Variants in GDA observed in about 807,000 individuals in gnomAD.
GDA encodes cytoplasmic PSD-95 interactor.
Under a neutral mutation model 59.6 loss-of-function variants are expected in GDA, and 18 were observed. That is an observed-to-expected ratio of 0.30 (90% confidence interval 0.21 to 0.45). GDA has a LOEUF of 0.45. Among genes scored for constraint, GDA ranks in the 20% least tolerant of loss-of-function variants. GDA has a pLI of 1.00. For synonymous variants in GDA, 201 were observed against 201.1 expected, an observed-to-expected ratio of 1.00 and a Z score of 0.00; for missense variants, 427 against 552.3, an observed-to-expected ratio of 0.77 and a Z score of 2.27.
At chr9:72,173,714 A>G (rs1830244568) in intron 1 of GDA, among the ~76,000 whole-genome samples, 1 of 152,178 alleles carries the variant, frequency 6.6e-6, no homozygotes, top group Non-Finnish European at 1.5e-5. Context: ...AGCCAGATCC[A>G]TAATTTAGCT....
intron 4 of GDA, among the ~76,000 whole-genome samples, chr9:72,212,241 C>T (rs539505546): frequency 3.9e-5 from 6 of 152,002 alleles, no homozygotes; most frequent in South Asian, 2.1e-4. Context: ...CTGGCACTTT[C>T]GGAGGCCGAG....
intron 1 of GDA, among the ~76,000 whole-genome samples, chr9:72,126,285 CTTAG>C (rs1204064101): frequency 6.6e-6 from 1 of 152,106 alleles, no homozygotes; most frequent in East Asian, 1.9e-4. Context: ...GTTCCAAGTA[CTTAG>C]TTTGTTCGTT....
chr9:72,253,012 A>G (rs1163226285), downstream of GDA, among the ~76,000 whole-genome samples: 2 of 152,228 alleles, frequency 1.3e-5, no homozygotes, highest in East Asian at 3.8e-4. Context: ...TTATCAGTAT[A>G]TATTTTAGAA....
At chr9:72,213,503 TTAGAAAAAG>T (rs1003650087) in intron 4 of GDA, among the ~76,000 whole-genome samples, 2 of 151,870 alleles carry the variant, frequency 1.3e-5, no homozygotes, top group Non-Finnish European at 2.9e-5. Flanking sequence ...TGTTGAAAGC[TTAGAAAAAG>T]TACTGTTTTG....
chr9:72,195,250 A>T (rs542895827), intron 1 of GDA, among the ~76,000 whole-genome samples: 2 of 151,802 alleles, frequency 1.3e-5, no homozygotes, highest in African/African-American at 2.4e-5. Context: ...TTCAATTGAG[A>T]ATTTTTGAAG....
intron 1 of GDA, among the ~76,000 whole-genome samples, chr9:72,134,114 TG>T (rs1346467357): frequency 1.3e-5 from 2 of 152,068 alleles, no homozygotes; most frequent in Non-Finnish European, 2.9e-5. Context: ...GGAAGGGGCT[TG>T]GCAAATAGGG....
chr9:72,149,426 G>A (rs1051439297), upstream of GDA: 11 of 1,068,668 alleles, frequency 1.0e-5, no homozygotes, highest in Non-Finnish European at 1.4e-5. Context: ...GCAACCGCCC[G>A]GGTAAGCGGG....
chr9:72,232,773 T>C (rs1281009265), intron 10 of GDA, among the ~76,000 whole-genome samples: 1 of 152,230 alleles, frequency 6.6e-6, no homozygotes, highest in East Asian at 1.9e-4. Flanking sequence ...CTGTAAGACC[T>C]TGAGAAAATT....
chr9:72,134,458 G>A (rs1229618236), intron 1 of GDA, among the ~76,000 whole-genome samples: 1 of 151,840 alleles, frequency 6.6e-6, no homozygotes, highest in Non-Finnish European at 1.5e-5. Flanking sequence ...CTGGAGTGCA[G>A]TGGTGTGATC....
At chr9:72,220,193 A>G (rs1836692065) in intron 6 of GDA, among the ~76,000 whole-genome samples, 1 of 152,182 alleles carries the variant, frequency 6.6e-6, no homozygotes, top group African/African-American at 2.4e-5. Context: ...CAGAAAGACA[A>G]TACTGCATGA....
intron 5 of GDA, among the ~76,000 whole-genome samples, chr9:72,217,683 T>C (rs747777215): frequency 3.9e-5 from 6 of 152,234 alleles, no homozygotes; most frequent in Non-Finnish European, 8.8e-5. Flanking sequence ...GGGCTTCTCC[T>C]GTAGATTGGA....
intron 1 of GDA, among the ~76,000 whole-genome samples, chr9:72,123,208 G>A (rs528114171): frequency 4.0e-5 from 5 of 124,592 alleles, no homozygotes; most frequent in East Asian, 2.5e-4. Context: ...TTTTGAGACC[G>A]AGTCTTGCTC....
chr9:72,149,348 G>T, upstream of GDA: 1 of 548,014 alleles, frequency 1.8e-6, no homozygotes, highest in Non-Finnish European at 3.2e-6. Context: ...GCCAACTCGC[G>T]GGAGAAAAAT....
intron 1 of GDA, among the ~76,000 whole-genome samples, chr9:72,164,166 AT>A (rs1327407246): frequency 6.6e-6 from 1 of 152,190 alleles, no homozygotes; most frequent in Non-Finnish European, 1.5e-5. Context: ...TGAACGGGCG[AT>A]ATAAAATGTA....
chr9:72,117,641 A>G (rs1023178472), intron 1 of GDA, among the ~76,000 whole-genome samples: 10 of 152,212 alleles, frequency 6.6e-5, no homozygotes, highest in African/African-American at 2.4e-4. Context: ...AAGTGAGGAA[A>G]TCTTTCCCAG....
At chr9:72,150,134 T>C (rs1435127523) in intron 1 of GDA, among the ~76,000 whole-genome samples, 1 of 152,230 alleles carries the variant, frequency 6.6e-6, no homozygotes, top group Non-Finnish European at 1.5e-5. Flanking sequence ...GGTCATTTGA[T>C]TGATGTTGTT....
rs1564025002 is a variant in GDA, at chr9:72,198,862, A to ATATATATATATATATAT, written c.212+3274_212+3275insTATATATATATATATAT. On this transcript the variant is annotated intron_variant, in intron 2 of 13. Transcript: ENST00000358399. ...ATATAGGGGGATATATATATATATA[A>ATATATATATATATATAT]AATTTTTTTTGCTCAGGTTATGATA... is the stretch of plus-strand genomic sequence containing the variant. 4.2e-3 allele frequency among the ~76,000 whole-genome samples: 387 copies of ATATATATATATATATAT among 91,762 alleles called. 12 individuals carry two copies. Among genetic ancestry groups the ATATATATATATATATAT allele is most frequent in the African/African-American group, 0.015 (375 of 25,768 alleles). The allele number at this position is 91,762 out of a possible 152,430, so 60.2% of individuals were successfully genotyped here.
chr9:72,144,215 C>G lies in GDA; in HGVS notation c.-100+29382C>G, dbSNP rs140025633. On this transcript the variant is annotated intron_variant, in intron 1 of 13. Transcript: ENST00000545168. Reference sequence around the variant, plus strand: ...CCAGCCTGGGCAACAGAGTGAGACTCTACCTCAAAATACTAATAATATTAA... The same window carrying G: ...CCAGCCTGGGCAACAGAGTGAGACTGTACCTCAAAATACTAATAATATTAA... 7.2e-5 allele frequency among the ~76,000 whole-genome samples: 11 copies of G among 152,248 alleles called. No homozygotes were observed. The East Asian group carries it at 1.5e-3, about 21-fold the overall frequency.
chr9:72,250,626 G>C lies in GDA; in HGVS notation c.*2284G>C. 1 of 1,586,374 alleles carries C rather than the reference G, an allele frequency of 6.3e-7. No homozygotes were observed. The highest frequency in any genetic ancestry group is 8.5e-7 in the Non-Finnish European group (1 of 1,170,404). ...CAGGCATTATCTATACCTGGGGCCA[G>C]ATTTTCTGCACTTTGAAATGTTGCC... On this transcript the variant is annotated 3_prime_UTR_variant, in exon 14 of 14. Transcript: ENST00000358399.
Sources: allele counts gnomAD v4.1 joint callset (sites outside exome capture counted in the v4.1 genomes callset), GRCh38; gene constraint gnomAD v4.1.1; transcripts MANE v1.5; gene names NCBI Gene and HGNC (gene_info 2026-07-23, HGNC 2026-07-21).